Variants in PCDH15 observed in about 807,000 individuals in gnomAD.
PCDH15 encodes the protein protocadherin related 15.
PCDH15 carries 129 observed loss-of-function variants against 178.5 expected under a neutral mutation model. The ratio of observed to expected loss-of-function variants is 0.72; its 90% CI spans 0.63 to 0.84. PCDH15 has a LOEUF of 0.84. Among genes scored for constraint, PCDH15 ranks in the 40% least tolerant of loss-of-function variants. PCDH15 has a pLI of 0.00. For missense variants in PCDH15, 2,230 were observed against 2,099.9 expected, an observed-to-expected ratio of 1.06 and a Z score of -1.21; for synonymous variants, 800 against 732.0, an observed-to-expected ratio of 1.09 and a Z score of -1.50.
At chr10:54,836,378 C>T (rs558200378) in intron 3 of PCDH15, among the ~76,000 whole-genome samples, 5 of 152,080 alleles carry the variant, frequency 3.3e-5, no homozygotes, top group Non-Finnish European at 5.9e-5. Context: ...AACACACATA[C>T]GCATACACAC....
intron 2 of PCDH15, among the ~76,000 whole-genome samples, chr10:55,076,828 G>A (rs1012802023): frequency 7.1e-6 from 1 of 141,702 alleles, no homozygotes; most frequent in African/African-American, 2.7e-5. Context: ...GGAGTGCAAT[G>A]GGGCGATCTG....
intron 21 of PCDH15, among the ~76,000 whole-genome samples, chr10:53,978,739 C>T (rs1242921088): frequency 6.6e-6 from 1 of 150,500 alleles, no homozygotes; most frequent in Non-Finnish European, 1.5e-5. Flanking sequence ...GAACACTTTG[C>T]TACTTAGAAA....
intron 2 of PCDH15, among the ~76,000 whole-genome samples, chr10:54,998,665 T>C (rs1445668709): frequency 2.0e-5 from 3 of 152,156 alleles, no homozygotes; most frequent in Non-Finnish European, 4.4e-5. Flanking sequence ...CAATTCTTTT[T>C]TTAATATTGT....
intron 2 of PCDH15, among the ~76,000 whole-genome samples, chr10:55,004,931 G>T (rs1014729441): frequency 3.9e-5 from 6 of 151,954 alleles, no homozygotes; most frequent in Admixed American, 2.6e-4. Flanking sequence ...CATCAGAATG[G>T]GTAGTAAAAT....
At chr10:55,096,022 G>T (rs1365297197) in intron 2 of PCDH15, among the ~76,000 whole-genome samples, 1 of 152,024 alleles carries the variant, frequency 6.6e-6, no homozygotes, top group Non-Finnish European at 1.5e-5. Context: ...ATCAATGTGT[G>T]TTGGGCCTTG....
chr10:55,328,028 T>G (rs1844080111), intron 2 of PCDH15, among the ~76,000 whole-genome samples: 1 of 152,032 alleles, frequency 6.6e-6, no homozygotes, highest in East Asian at 1.9e-4. Flanking sequence ...ACATACAACT[T>G]TTTTATATGA....
intron 1 of PCDH15, among the ~76,000 whole-genome samples, chr10:55,262,571 G>T (rs1270725056): frequency 6.6e-6 from 1 of 152,096 alleles, no homozygotes; most frequent in African/African-American, 2.4e-5. Flanking sequence ...AGCAGATGCC[G>T]GCAGGCCATC....
At chr10:54,470,249 T>A (rs1443024960) in intron 3 of PCDH15, among the ~76,000 whole-genome samples, 1 of 152,134 alleles carries the variant, frequency 6.6e-6, no homozygotes, top group Non-Finnish European at 1.5e-5. Context: ...GAATGCAAGT[T>A]TCAGCCCTAG....
chr10:55,099,252 C>T (rs1031164997), intron 2 of PCDH15, among the ~76,000 whole-genome samples: 4 of 152,006 alleles, frequency 2.6e-5, no homozygotes, highest in East Asian at 1.9e-4. Context: ...CTTACAGCTT[C>T]TTCAAATTTC....
chr10:53,947,810 T>C (rs184321764), intron 23 of PCDH15, among the ~76,000 whole-genome samples: 1 of 152,332 alleles, frequency 6.6e-6, no homozygotes, highest in East Asian at 1.9e-4. Flanking sequence ...TTTGCTTCTA[T>C]TCAGTTCCTT....
chr10:54,779,667 A>G (rs1950177461), intron 1 of PCDH15, among the ~76,000 whole-genome samples: 1 of 151,452 alleles, frequency 6.6e-6, no homozygotes, highest in South Asian at 2.1e-4. Flanking sequence ...GCAGAGAGTT[A>G]GCAGGGTGTA....
At chr10:54,370,051 A>C (rs1024302216) in intron 4 of PCDH15, among the ~76,000 whole-genome samples, 1 of 152,038 alleles carries the variant, frequency 6.6e-6, no homozygotes, top group Non-Finnish European at 1.5e-5. Context: ...CATAGTATAC[A>C]TAAGCATATG....
intron 26 of PCDH15, among the ~76,000 whole-genome samples, chr10:53,878,386 CTA>C (rs556794610): frequency 0.014 from 1,972 of 142,680 alleles, 50 homozygotes; most frequent in African/African-American, 0.048. Context: ...TATATATAGT[CTA>C]TATATATACT....
chr10:54,118,150 G>A (rs539746706), intron 15 of PCDH15, among the ~76,000 whole-genome samples: 10 of 152,222 alleles, frequency 6.6e-5, no homozygotes, highest in African/African-American at 1.9e-4. Flanking sequence ...TATACTACAA[G>A]TCTACAGTAA....
At chr10:55,228,388 G>C (rs528816812) in intron 1 of PCDH15, among the ~76,000 whole-genome samples, 84 of 152,068 alleles carry the variant, frequency 5.5e-4, no homozygotes, top group Non-Finnish European at 9.0e-4. Context: ...AACCAGTATA[G>C]GAGTAGTATG....
At chr10:54,662,461 T>A (rs6481113) in intron 2 of PCDH15, among the ~76,000 whole-genome samples, 1 of 151,822 alleles carries the variant, frequency 6.6e-6, no homozygotes, top group African/African-American at 2.4e-5. Flanking sequence ...TAAAGTCAGC[T>A]CCACTGTGCT....
intron 2 of PCDH15, among the ~76,000 whole-genome samples, chr10:55,130,322 G>A (rs1196517392): frequency 6.6e-6 from 1 of 152,086 alleles, no homozygotes; most frequent in Admixed American, 6.6e-5. Flanking sequence ...AAGAGTCAAG[G>A]CCTAAAGAAT....
intron 14 of PCDH15, among the ~76,000 whole-genome samples, chr10:54,139,193 C>A (rs1417593691): frequency 6.6e-6 from 1 of 151,776 alleles, no homozygotes; most frequent in Non-Finnish European, 1.5e-5. Context: ...CCTTCTTTGA[C>A]AAATGAGACT....
In PCDH15 at chr10:54,859,567, G is replaced by A. The variant is rs529384699; in HGVS notation, c.-29+37883C>T. On this transcript the variant is annotated intron_variant, in intron 3 of 5. Coordinates refer to the PCDH15 transcript ENST00000458638. ...TGCTTTATAGCTCATCTCCTTCCCCGAGCTTTTTCTAGTTCTGTCAGGCAG... is the reference window on the plus strand; with the variant it reads ...TGCTTTATAGCTCATCTCCTTCCCCAAGCTTTTTCTAGTTCTGTCAGGCAG... 5.9e-5 allele frequency among the ~76,000 whole-genome samples: 9 copies of A among 151,792 alleles called. No homozygotes were observed. In the South Asian group the frequency reaches 1.3e-3, roughly 21 times the overall value.
Sources: allele counts gnomAD v4.1 joint callset (sites outside exome capture counted in the v4.1 genomes callset), GRCh38; gene constraint gnomAD v4.1.1; transcripts MANE v1.5; gene names NCBI Gene and HGNC (gene_info 2026-07-23, HGNC 2026-07-21).